Variants in ITGA7 observed in about 807,000 individuals in gnomAD.
ITGA7 encodes the protein integrin alpha-7.
In ITGA7, 84 loss-of-function variants were observed where a neutral mutation model predicts 131.6. The ratio of observed to expected loss-of-function variants is 0.64; its 90% CI spans 0.54 to 0.77. The LOEUF (loss-of-function observed/expected upper bound fraction) is 0.77, where lower values mean the gene tolerates loss of function less well. ITGA7 is among the 30% of genes least tolerant of loss of function. The pLI, the probability that ITGA7 is intolerant of heterozygous loss-of-function variation, is 0.00. For missense variants in ITGA7, 1,399 were observed against 1,482.9 expected, an observed-to-expected ratio of 0.94 and a Z score of 0.93; for synonymous variants, 548 against 600.7, an observed-to-expected ratio of 0.91 and a Z score of 1.28.
intron 14 of ITGA7, 123 bp from the exon 15 acceptor site, chr12:55,695,093 A>G (rs1872348654): frequency 1.1e-6 from 1 of 943,934 alleles, no homozygotes; most frequent in African/African-American, 1.7e-5. Context: ...CCAGGTCCCC[A>G]TCACACCCGT....
chr12:55,697,316 G>A, intron 10 of ITGA7, 39 bp from the exon 11 acceptor site: 1 of 1,583,980 alleles, frequency 6.3e-7, no homozygotes, highest in Non-Finnish European at 8.6e-7. Flanking sequence ...AAACGAGGCT[G>A]ATGGGCCAAG....
At position 55,685,120 on chromosome 12, in the gene ITGA7, G is replaced by A. The variant is rs1205558866; in HGVS notation, c.3352C>T (p.Leu1118=). ...RREGPDAHPI[L]AADGHPELGP... The stretch of plus-strand genomic sequence containing the variant: ...AGCTCGGGATGCCCGTCAGCAGCCA[G>A]GATGGGGTGTGCATCCGGGCCCTCC... Residue 1118 remains leucine, a synonymous_variant, in exon 25 of 25, where the codon CTG becomes TTG. Transcript: ENST00000257879. The A allele has an allele frequency of 6.2e-7, 1 of 1,612,490 alleles. No homozygotes were observed. The highest frequency in any genetic ancestry group is 8.5e-7 in the Non-Finnish European group (1 of 1,179,922).
chr12:55,699,389 T>C lies in ITGA7; in HGVS notation c.791-472A>G. On this transcript the variant is annotated intron_variant, in intron 5 of 24. Coordinates refer to ENST00000257879, the MANE Select transcript of ITGA7 (RefSeq NM_002206.3). ...TCATCCTGGCAGGGAGGGGAAGTCTTCACATGGATGAGGGGGAGACAAGGG... is the reference window on the plus strand; with the variant it reads ...TCATCCTGGCAGGGAGGGGAAGTCTCCACATGGATGAGGGGGAGACAAGGG... 1.4e-5 allele frequency: 4 copies of C among 285,226 alleles called. No individual in the cohort carries two copies. In the South Asian group the frequency reaches 1.5e-4, roughly 10 times the overall value. 17.7% of individuals were successfully genotyped at this position (285,226 alleles called of 1,614,324 possible).
rs773168861 is a variant in ITGA7 at position 55,695,555 on chromosome 12, C to T, written c.1970G>A (p.Arg657Gln). Residue 657 changes from arginine (R) to glutamine (Q), a missense_variant, in exon 14 of 25, where the codon CGG (arginine) becomes CAG (glutamine). Coordinates refer to ENST00000257879, the MANE Select transcript of ITGA7 (RefSeq NM_002206.3). The stretch of plus-strand genomic sequence containing the variant: ...AGGTTGGAATTCCGTGTCGCTGACC[C>T]GGGTACAGAAGCGGGCGCGGACCAG... ...LQLVRARFCTRVSDTEFQPLP... is the reference protein window; with the variant it reads ...LQLVRARFCTQVSDTEFQPLP... 5.0e-6 allele frequency: 8 copies of T among 1,613,870 alleles called. No homozygotes were observed. Among genetic ancestry groups the T allele is most frequent in the East Asian group, 2.2e-5 (1 of 44,846 alleles).
At chr12:55,715,349 A>C (rs926342586), upstream of ITGA7, among the ~76,000 whole-genome samples, 5 of 152,186 alleles carry the variant, frequency 3.3e-5, no homozygotes, top group African/African-American at 1.2e-4. Context: ...GTGCACCGAG[A>C]GAGATTGTAC....
At position 55,694,467 on chromosome 12, in the gene ITGA7, A is replaced by AG. The variant is rs1214846420; in HGVS notation, c.2332dup (p.Leu778ProfsTer12). 5 of 1,614,064 alleles carry AG rather than the reference A, an allele frequency of 3.1e-6. No homozygotes were observed. Among genetic ancestry groups the AG allele is most frequent in the African/African-American group, 1.3e-5 (1 of 74,910 alleles). ...CGTGGCCAACAGCAGCTCTACCTCCAGTTCCGTGGTCTCAATGCTGATCCC... is the reference window on the plus strand; with the variant it reads ...CGTGGCCAACAGCAGCTCTACCTCCAGGTTCCGTGGTCTCAATGCTGATCCC... On this transcript the variant is annotated frameshift_variant, in exon 17 of 25. Transcript: ENST00000257879. LOFTEE classifies it high-confidence loss of function. This position sits in a 1 kb window ranked among gnomAD's most constrained non-coding sequence, Gnocchi z 5.3.
At chr12:55,704,791 ACT>A (rs1265748208) in intron 1 of ITGA7, among the ~76,000 whole-genome samples, 4 of 152,190 alleles carry the variant, frequency 2.6e-5, no homozygotes. Flanking sequence ...TCTCTAGAAC[ACT>A]GAGACCACCC....
chr12:55,693,884 T>C, intron 19 of ITGA7, 137 bp downstream of exon 19: 1 of 731,242 alleles, frequency 1.4e-6, no homozygotes, highest in Non-Finnish European at 2.5e-6. Context: ...ACAGCCAAGG[T>C]CCATATGCAG....
chr12:55,703,006 T>A (rs1197983253), intron 2 of ITGA7, 45 bp downstream of exon 2: 1 of 1,613,690 alleles, frequency 6.2e-7, no homozygotes. Context: ...AGTCCTCTCC[T>A]CCCCGCTCAC....
intron 22 of ITGA7, 71 bp from the exon 23 acceptor site, chr12:55,688,371 A>G: frequency 9.2e-7 from 1 of 1,089,982 alleles, no homozygotes; most frequent in Non-Finnish European, 1.4e-6. Context: ...TACCTCCTGA[A>G]ATTATAAATG....
At chr12:55,695,296 A>G (rs1565623400) in intron 14 of ITGA7, 1 of 600,398 alleles carries the variant, frequency 1.7e-6, no homozygotes, top group Non-Finnish European at 3.0e-6. Context: ...TGTAGACTGC[A>G]TATTATTAGT....
In ITGA7 at chr12:55,688,009, G is replaced by C. The variant is rs761568086; in HGVS notation, c.3145C>G (p.Leu1049Val). The change falls in exon 24 of 25, where the codon CTG becomes GTG. Residue 1049 changes from leucine to valine, a missense_variant. Physicochemically the swap from Leu to Val is conservative, Grantham distance 32. Transcript: ENST00000257879. ...WVILLAVLAG[L>V]LVLALLVLLL... is the part of the protein sequence containing the mutation. The stretch of plus-strand genomic sequence containing the variant: ...AGCACCAGCAGTGCTAGCACCAGCA[G>C]CCCAGCCAGTACAGCCAGGAGGATG... 3.1e-6 allele frequency: 5 copies of C among 1,613,886 alleles called. No individual in the cohort carries two copies. In the South Asian group the frequency reaches 5.5e-5, roughly 18 times the overall value.
upstream of ITGA7, chr12:55,712,287 C>A (rs145243860): frequency 1.0e-3 from 1,592 of 1,532,804 alleles, 22 homozygotes; most frequent in African/African-American, 0.02. Context: ...GTCTCAAGGG[C>A]CCCCTTTCTT....
Position 55,699,860 on chromosome 12 carries a change from G to A in ITGA7, c.790+10C>T. On this transcript the variant is annotated intron_variant, in intron 5 of 24. Coordinates refer to ENST00000257879, the MANE Select transcript of ITGA7 (RefSeq NM_002206.3). ...TGCCCCTAGAGTCCAGGAGGTGGGAGCTTACAAACCTAAGTAGCTATTGAG... is the reference window on the plus strand; with the variant it reads ...TGCCCCTAGAGTCCAGGAGGTGGGAACTTACAAACCTAAGTAGCTATTGAG... 2.5e-6 allele frequency: 4 copies of A among 1,599,692 alleles called. No homozygotes were observed. The highest frequency in any genetic ancestry group is 1.1e-5 in the South Asian group (1 of 88,554).
At position 55,694,045 on chromosome 12, in the gene ITGA7, GC is replaced by G; in HGVS notation, c.2510del (p.Gly837AlafsTer155). ...CCGTGACCTCATACTTGACCTTGCT[GC>G]CCACATCCCGCTCAGACTGCATGGC... ...ERAMQSERDVGSKVKYEVTVS... is the reference protein window; with the variant it reads ...ERAMQSERDVXSKVKYEVTVS... On this transcript the variant is annotated frameshift_variant, in exon 19 of 25. Coordinates refer to ENST00000257879, the MANE Select transcript of ITGA7 (RefSeq NM_002206.3). LOFTEE classifies it high-confidence loss of function. The surrounding 1 kb of genome is among the most constrained non-coding windows in gnomAD (Gnocchi z 5.3). 2 of 1,614,004 alleles carry G rather than the reference GC, an allele frequency of 1.2e-6. No individual in the cohort carries two copies. Among genetic ancestry groups the G allele is most frequent in the Non-Finnish European group, 1.7e-6 (2 of 1,179,922 alleles).
chr12:55,695,095 C>T lies in ITGA7; in HGVS notation c.2004-125G>A, dbSNP rs980110760. ...CTCTCTTCCCACCCCAGGTCCCCAT[C>T]ACACCCGTCCAAGCCTCAGGCCTCT... On this transcript the variant is annotated intron_variant, in intron 14 of 24. Coordinates refer to ENST00000257879, the MANE Select transcript of ITGA7 (RefSeq NM_002206.3). 4 of 925,812 alleles carry T rather than the reference C, an allele frequency of 4.3e-6. No homozygotes were observed. In the Admixed American group the frequency reaches 8.1e-5, roughly 19 times the overall value. The allele number at this position is 925,812 out of a possible 1,614,324, so 57.3% of individuals were successfully genotyped here.
rs1592449887 is a variant in ITGA7 at position 55,697,862 on chromosome 12, C to T, written c.1282-40G>A. The T allele has an allele frequency of 6.2e-6, 10 of 1,614,080 alleles. No individual in the cohort carries two copies. In the Admixed American group the frequency reaches 1.0e-4, roughly 16 times the overall value. Reference sequence around the variant, plus strand: ...GTCAGCCTCCCTCAATCCCACCTCCCGCAGGCCTCTGCCTCCCCTGATGCC... The same window carrying T: ...GTCAGCCTCCCTCAATCCCACCTCCTGCAGGCCTCTGCCTCCCCTGATGCC... On this transcript the variant is annotated intron_variant, in intron 8 of 24. Transcript: ENST00000257879.
chr12:55,708,742 G>A (rs1390951136), upstream of ITGA7, among the ~76,000 whole-genome samples: 3 of 152,162 alleles, frequency 2.0e-5, no homozygotes, highest in Non-Finnish European at 2.9e-5. Context: ...TGTAAAGGGT[G>A]TCCCCAGCTA....
Position 55,703,123 on chromosome 12 carries a change from T to G in ITGA7, c.262A>C (p.Thr88Pro), listed in dbSNP as rs770291598. The change falls in exon 2 of 25, where the codon ACT (threonine) becomes CCT (proline). Residue 88 changes from threonine (T) to proline (P), a missense_variant. By Grantham distance (38) the Thr-to-Pro change is conservative. Coordinates refer to ENST00000257879, the MANE Select transcript of ITGA7 (RefSeq NM_002206.3). ...LALPGQQANR[T>P]GGLFACPLSL... ...AACGGGCAAGCGAAGAGGCCTCCAG[T>G]GCGATTCGCCTGCTGCCCAGGAAGA... The G allele has an allele frequency of 6.2e-7, 1 of 1,613,696 alleles. No homozygotes were observed. The highest frequency in any genetic ancestry group is 1.3e-5 in the African/African-American group (1 of 75,032).
Sources: allele counts gnomAD v4.1 joint callset (sites outside exome capture counted in the v4.1 genomes callset), GRCh38; gene constraint gnomAD v4.1.1; non-coding constraint Gnocchi (gnomAD v3.1); transcripts MANE v1.5; gene names NCBI Gene and HGNC (gene_info 2026-07-23, HGNC 2026-07-21).